Variants in OR56A3 observed in about 807,000 individuals in gnomAD.
The protein encoded by OR56A3 is olfactory receptor 56A3.
In OR56A3, 23 loss-of-function variants were observed where a neutral mutation model predicts 17.5. That is an observed-to-expected ratio of 1.32 (90% confidence interval 0.95 to 1.87). The LOEUF is 1.87. OR56A3 is among the 40% of genes most tolerant of loss of function. OR56A3 has a pLI of 0.00. For missense variants in OR56A3, 366 were observed against 380.1 expected, an observed-to-expected ratio of 0.96 and a Z score of 0.31; for synonymous variants, 175 against 150.6, an observed-to-expected ratio of 1.16 and a Z score of -1.19.
chr11:6,005,244 G>T, the OR56A3 span, among the ~76,000 whole-genome samples: 1 of 152,244 alleles, frequency 6.6e-6, no homozygotes, highest in African/African-American at 2.4e-5. Context: ...GATGCAACAA[G>T]CTAAGAGCAT....
chr11:5,952,085 C>T (rs1277025076), downstream of OR56A3, among the ~76,000 whole-genome samples: 1 of 152,140 alleles, frequency 6.6e-6, no homozygotes, highest in Non-Finnish European at 1.5e-5. Flanking sequence ...AATACATCAA[C>T]TGCAAACATA....
At chr11:5,993,718 A>G in the OR56A3 span, among the ~76,000 whole-genome samples, 1 of 152,244 alleles carries the variant, frequency 6.6e-6, no homozygotes, top group Non-Finnish European at 1.5e-5. Flanking sequence ...AGCCATCTTT[A>G]AAAAGTAAAA....
At chr11:5,976,813 G>A in the OR56A3 span, among the ~76,000 whole-genome samples, 2 of 151,918 alleles carry the variant, frequency 1.3e-5, no homozygotes, top group Non-Finnish European at 2.9e-5. Context: ...AGATTATTTA[G>A]TCATCCAGGT....
At chr11:5,996,046 A>G in the OR56A3 span, among the ~76,000 whole-genome samples, 1 of 152,162 alleles carries the variant, frequency 6.6e-6, no homozygotes, top group Non-Finnish European at 1.5e-5. Flanking sequence ...CATCCATACT[A>G]TAGCACATGA....
chr11:6,008,372 CTA>C, the OR56A3 span, among the ~76,000 whole-genome samples: 2 of 152,114 alleles, frequency 1.3e-5, no homozygotes, highest in Non-Finnish European at 2.9e-5. Context: ...AGTAGACATG[CTA>C]AATGAAGAAA....
chr11:5,996,282 A>G, the OR56A3 span, among the ~76,000 whole-genome samples: 3 of 152,194 alleles, frequency 2.0e-5, no homozygotes, highest in Non-Finnish European at 2.9e-5. Context: ...GCTGAATAGT[A>G]TAGCAACAAA....
chr11:6,002,660 C>CA, the OR56A3 span: 3 of 1,614,024 alleles, frequency 1.9e-6, no homozygotes, highest in African/African-American at 4.0e-5. Flanking sequence ...ACTCCATGGT[C>CA]AAAAAACTGT....
At chr11:5,986,125 A>G in the OR56A3 span, 2 of 1,613,972 alleles carry the variant, frequency 1.2e-6, no homozygotes, top group South Asian at 2.2e-5. Context: ...AGGGACATAG[A>G]AGACCAGGAT....
chr11:5,955,038 A>G (rs898726181), downstream of OR56A3, among the ~76,000 whole-genome samples: 1 of 152,208 alleles, frequency 6.6e-6, no homozygotes, highest in African/African-American at 2.4e-5. Flanking sequence ...ATAAAGAACA[A>G]TCACTGGGGA....
At chr11:5,994,616 T>C in the OR56A3 span, 2 of 783,234 alleles carry the variant, frequency 2.6e-6, no homozygotes, top group Admixed American at 1.7e-5. Flanking sequence ...GTGGAGCCCA[T>C]GGATTTCGCT....
At chr11:6,001,892 T>C in the OR56A3 span, 479 of 641,044 alleles carry the variant, frequency 7.5e-4, 2 homozygotes, top group Middle Eastern at 5.6e-3. Context: ...GATTCACAAA[T>C]AAATGTGTTC....
the OR56A3 span, among the ~76,000 whole-genome samples, chr11:5,996,548 A>T: frequency 6.6e-6 from 1 of 151,968 alleles, no homozygotes; most frequent in East Asian, 1.9e-4. Context: ...TTCAGTAAAG[A>T]ACTCCAAAAT....
chr11:5,949,620 T>C lies in OR56A3; in HGVS notation c.*1326T>C, dbSNP rs1341180129. 6.6e-6 allele frequency: 1 copy of C among 152,200 alleles called. No individual in the cohort carries two copies. The highest frequency in any genetic ancestry group is 2.4e-5 in the African/African-American group (1 of 41,454). The allele number at this position is 152,200 out of a possible 1,614,324, so 9.4% of individuals were successfully genotyped here. On this transcript the variant is annotated 3_prime_UTR_variant, in exon 3 of 3. Transcript: ENST00000641160. Reference sequence around the variant, plus strand: ...AGTATGTGTTACTTTGTTTTGACCATACAAGGAAAATTTCTCAAGTATCAA... The same window carrying C: ...AGTATGTGTTACTTTGTTTTGACCACACAAGGAAAATTTCTCAAGTATCAA...
chr11:5,968,780 T>G, the OR56A3 span, among the ~76,000 whole-genome samples: 2 of 151,966 alleles, frequency 1.3e-5, no homozygotes, highest in East Asian at 3.8e-4. Flanking sequence ...AAACATACTG[T>G]AAAATACAAA....
chr11:5,944,988 T>G lies in OR56A3; in HGVS notation c.-131T>G, dbSNP rs1219003169. The G allele has an allele frequency of 6.6e-6, 1 of 152,148 alleles. No individual in the cohort carries two copies. Among genetic ancestry groups the G allele is most frequent in the East Asian group, 1.9e-4 (1 of 5,188 alleles). The allele number at this position is 152,148 out of a possible 1,614,324, so 9.4% of individuals were successfully genotyped here. ...AACAGGGTCTTTCTGATGAGGAGAA[T>G]CTGACAGGACCCAGTTGAGCAAGGA... On this transcript the variant is annotated 5_prime_UTR_variant, in exon 2 of 3. Transcript: ENST00000641160.
the OR56A3 span, among the ~76,000 whole-genome samples, chr11:5,988,874 G>A: frequency 3.3e-5 from 5 of 152,360 alleles, no homozygotes; most frequent in African/African-American, 1.2e-4. Flanking sequence ...AAGGACAGGC[G>A]TAGTCTGAAA....
the OR56A3 span, among the ~76,000 whole-genome samples, chr11:5,979,889 C>G: frequency 6.6e-5 from 10 of 152,056 alleles, no homozygotes; most frequent in Non-Finnish European, 1.2e-4. Context: ...TGTTATATCT[C>G]TGTTCTCATT....
the OR56A3 span, among the ~76,000 whole-genome samples, chr11:5,965,016 A>G: frequency 6.6e-6 from 1 of 152,048 alleles, no homozygotes; most frequent in Non-Finnish European, 1.5e-5. Flanking sequence ...AGCTCTTGTA[A>G]AGGTATTTAA....
chr11:5,947,419 C>T lies in OR56A3; in HGVS notation c.73C>T (p.Pro25Ser). 6.2e-7 allele frequency: 1 copy of T among 1,614,156 alleles called. No individual in the cohort carries two copies. Among genetic ancestry groups the T allele is most frequent in the South Asian group, 1.1e-5 (1 of 91,078 alleles). Reference protein sequence around the residue: ...DFLLNCFVRSPSWQHWLSLPL... With the variant: ...DFLLNCFVRSSSWQHWLSLPL... ...CCTCTTGAATTGTTTTGTCAGATCC[C>T]CCAGCTGGCAGCACTGGCTGTCCCT... The change falls in exon 3 of 3, where the codon CCC becomes TCC. Residue 25 changes from proline (P) to serine (S), a missense_variant. Transcript: ENST00000641160.
Sources: allele counts gnomAD v4.1 joint callset (sites outside exome capture counted in the v4.1 genomes callset), GRCh38; gene constraint gnomAD v4.1.1; transcripts MANE v1.5; gene names NCBI Gene and HGNC (gene_info 2026-07-23, HGNC 2026-07-21).